The following HHAT variants were observed in gnomAD, a reference collection of about 807,000 sequenced individuals.
HHAT encodes hedgehog acyltransferase.
In HHAT, 47 loss-of-function variants were observed where a neutral mutation model predicts 70.8. That is an observed-to-expected ratio of 0.66 (90% CI 0.53 to 0.85). HHAT has a LOEUF of 0.85. HHAT is among the 40% of genes least tolerant of loss of function. HHAT has a pLI of 0.00. For synonymous variants in HHAT, 228 were observed against 247.6 expected (o/e 0.92, Z 0.74); for missense variants, 609 against 604.8 (o/e 1.01, Z -0.07).
At chr1:210,385,127 C>A (rs1572059426) in intron 3 of HHAT, among the ~76,000 whole-genome samples, 1 of 151,834 alleles carries the variant, frequency 6.6e-6, no homozygotes, top group Non-Finnish European at 1.5e-5. Context: ...GTATTATATC[C>A]TTTTTTCCAC....
intron 9 of HHAT, among the ~76,000 whole-genome samples, chr1:210,571,338 G>C (rs1405764446): frequency 1.3e-5 from 2 of 152,214 alleles, no homozygotes; most frequent in Non-Finnish European, 2.9e-5. Flanking sequence ...CGCTTGGAGG[G>C]CATCTCTTTG....
chr1:210,535,124 G>A (rs1001692760), intron 9 of HHAT, among the ~76,000 whole-genome samples: 6 of 152,160 alleles, frequency 3.9e-5, no homozygotes, highest in Non-Finnish European at 8.8e-5. Context: ...CCTCTCTGGG[G>A]CAAAGACAAT....
At chr1:210,566,112 C>T (rs1654676244) in intron 9 of HHAT, among the ~76,000 whole-genome samples, 1 of 152,102 alleles carries the variant, frequency 6.6e-6, no homozygotes, top group South Asian at 2.1e-4. Context: ...TTTGCTGCTA[C>T]AATGTTGGTT....
chr1:210,351,800 C>A (rs1316488830), intron 2 of HHAT, among the ~76,000 whole-genome samples: 1 of 152,142 alleles, frequency 6.6e-6, no homozygotes, highest in African/African-American at 2.4e-5. Flanking sequence ...CAGCTGGGTT[C>A]CAGCTGTTGC....
chr1:210,397,527 AGT>A (rs2091856445), intron 4 of HHAT, among the ~76,000 whole-genome samples: 1 of 151,124 alleles, frequency 6.6e-6, no homozygotes, highest in African/African-American at 2.4e-5. Context: ...ATGAGTCAGA[AGT>A]GTTGTTTTGG....
chr1:210,566,670 C>T (rs530868869), intron 9 of HHAT, among the ~76,000 whole-genome samples: 12 of 152,062 alleles, frequency 7.9e-5, no homozygotes, highest in South Asian at 2.1e-4. Flanking sequence ...GGAGATCGGC[C>T]GCTAGATGGC....
At chr1:210,458,889 C>CTGGG (rs2093923514) in intron 7 of HHAT, among the ~76,000 whole-genome samples, 1 of 152,092 alleles carries the variant, frequency 6.6e-6, no homozygotes, top group Non-Finnish European at 1.5e-5. Flanking sequence ...CAAAGAAGGG[C>CTGGG]TGGGTAGGTA....
intron 6 of HHAT, among the ~76,000 whole-genome samples, chr1:210,408,144 A>C (rs1338985756): frequency 6.6e-6 from 1 of 152,136 alleles, no homozygotes; most frequent in East Asian, 1.9e-4. Context: ...GTGTATAGGT[A>C]ATGTGGTTTG....
chr1:210,553,024 T>A (rs11584633), intron 9 of HHAT, among the ~76,000 whole-genome samples: 27,116 of 152,146 alleles, frequency 0.18, 3,011 homozygotes, highest in Middle Eastern at 0.28. Context: ...TATTCCCCCA[T>A]TCAGGTGACT....
At chr1:210,667,695 C>T (rs904534116) in intron 11 of HHAT, among the ~76,000 whole-genome samples, 10 of 151,996 alleles carry the variant, frequency 6.6e-5, no homozygotes, top group Admixed American at 1.3e-4. Flanking sequence ...CACAACCTGT[C>T]GCCGCCCAGC....
At chr1:210,428,592 CTTACAGAACGTTCT>C (rs371214061) in intron 7 of HHAT, among the ~76,000 whole-genome samples, 66,414 of 150,652 alleles carry the variant, frequency 0.44, 14,995 homozygotes, top group Admixed American at 0.53. Flanking sequence ...GGCCAGTTGT[CTTACAGAACGTTCT>C]ATCACCTGGC....
chr1:210,656,737 C>T (rs530243349), intron 11 of HHAT, among the ~76,000 whole-genome samples: 2 of 152,294 alleles, frequency 1.3e-5, no homozygotes, highest in African/African-American at 4.8e-5. Flanking sequence ...GCCCTTGCCC[C>T]ATCCCCAGGC....
rs192644070 is a variant in HHAT, at chr1:210,422,213, T to C, written c.856+3888T>C. 8.3e-4 allele frequency among the ~76,000 whole-genome samples: 127 copies of C among 152,362 alleles called. No homozygotes were observed. The East Asian group carries it at 0.021, about 25-fold the overall frequency. On this transcript the variant is annotated intron_variant, in intron 7 of 11. Coordinates refer to ENST00000261458, the MANE Select transcript of HHAT (RefSeq NM_018194.6). ...ATGTTTTGATACATACAATGTATGG[T>C]GATCAGATCAGGGTAATTAGCATAT... is the stretch of plus-strand genomic sequence containing the variant.
At chr1:210,441,116 G>C (rs2093497303) in intron 7 of HHAT, among the ~76,000 whole-genome samples, 1 of 152,220 alleles carries the variant, frequency 6.6e-6, no homozygotes, top group Non-Finnish European at 1.5e-5. Context: ...ACTGCCACTA[G>C]AGTGTGCTTG....
At chr1:210,651,883 C>G (rs761343736) in intron 11 of HHAT, among the ~76,000 whole-genome samples, 1 of 152,134 alleles carries the variant, frequency 6.6e-6, no homozygotes, top group Non-Finnish European at 1.5e-5. Flanking sequence ...AAGGGCAACC[C>G]AGGAAAGGGG....
At chr1:210,462,126 A>T (rs558466807) in intron 7 of HHAT, among the ~76,000 whole-genome samples, 1 of 152,254 alleles carries the variant, frequency 6.6e-6, no homozygotes, top group Non-Finnish European at 1.5e-5. Flanking sequence ...TACAAAAATA[A>T]TGTGAAAAAT....
chr1:210,451,224 C>T (rs2093751036), intron 7 of HHAT, among the ~76,000 whole-genome samples: 1 of 152,046 alleles, frequency 6.6e-6, no homozygotes, highest in Non-Finnish European at 1.5e-5. Flanking sequence ...CTGATCTTTG[C>T]TCTCAGACTA....
intron 9 of HHAT, among the ~76,000 whole-genome samples, chr1:210,529,213 G>A (rs1243577203): frequency 6.6e-6 from 1 of 151,742 alleles, no homozygotes; most frequent in African/African-American, 2.4e-5. Flanking sequence ...GTTGAGGCAC[G>A]AGAATTGCTT....
At chr1:210,519,621 G>A (rs1572992752) in intron 9 of HHAT, among the ~76,000 whole-genome samples, 1 of 147,614 alleles carries the variant, frequency 6.8e-6, no homozygotes, top group Admixed American at 6.9e-5. Flanking sequence ...TCAACCTCCT[G>A]GACTCAAGCA....
Sources: gnomAD v4.1 joint callset for allele counts (sites outside exome capture counted in the v4.1 genomes callset) on GRCh38, gnomAD v4.1.1 for gene constraint, MANE v1.5 for transcripts, NCBI Gene and HGNC (gene_info 2026-07-23, HGNC 2026-07-21) for gene names.